ARHGAP6: variants seen among roughly 807,000 people sequenced by gnomAD.
ARHGAP6 encodes the protein rho GTPase-activating protein 6.
A neutral mutation model predicts 55.7 loss-of-function variants in ARHGAP6; 16 were observed. That is an observed-to-expected ratio of 0.29 (90% CI 0.19 to 0.44). The LOEUF (loss-of-function observed/expected upper bound fraction) is 0.44, where lower values mean the gene tolerates loss of function less well. ARHGAP6 is among the 20% of genes least tolerant of loss of function. The probability of loss-of-function intolerance (pLI) is 1.00; values close to 1 mark genes in which losing one functional copy is unlikely to be tolerated. For synonymous variants in ARHGAP6, 382 were observed against 360.9 expected (o/e 1.06, Z -0.66); for missense variants, 698 against 808.9 (o/e 0.86, Z 1.66).
chrX:11,629,026 C>T (rs1012034191), intron 1 of ARHGAP6, among the ~76,000 whole-genome samples: 10 of 108,376 alleles, frequency 9.2e-5, no homozygotes, highest in Admixed American at 2.0e-4. Flanking sequence ...TGTGTATACA[C>T]GAGCTAGAGC....
At chrX:11,567,566 A>AAAAAAATATATATATATATATATAT (rs1440758737) in intron 1 of ARHGAP6, among the ~76,000 whole-genome samples, 1 of 84,403 alleles carries the variant, frequency 1.2e-5, no homozygotes, top group African/African-American at 4.7e-5. Flanking sequence ...AAAAAAAAAA[A>AAAAAAATATATATATATATATATAT]ATATATATAT....
At chrX:11,630,780 C>G (rs2052351896) in intron 1 of ARHGAP6, among the ~76,000 whole-genome samples, 1 of 112,084 alleles carries the variant, frequency 8.9e-6, no homozygotes, top group Non-Finnish European at 1.9e-5. Flanking sequence ...GGCAATAAGA[C>G]AAAATACTCT....
intron 1 of ARHGAP6, among the ~76,000 whole-genome samples, chrX:11,572,015 A>T (rs2051524845): frequency 9.0e-6 from 1 of 111,268 alleles, no homozygotes; most frequent in Non-Finnish European, 1.9e-5. Context: ...AAGCTGAGAT[A>T]GACCTGCTGT....
At chrX:11,342,649 T>C (rs920243268) in intron 1 of ARHGAP6, among the ~76,000 whole-genome samples, 1 of 112,239 alleles carries the variant, frequency 8.9e-6, no homozygotes, top group Non-Finnish European at 1.9e-5. Flanking sequence ...AAATAAGGGA[T>C]GGGTACTCTT....
chrX:11,395,267 A>C (rs1797936625), intron 1 of ARHGAP6, among the ~76,000 whole-genome samples: 1 of 111,921 alleles, frequency 8.9e-6, no homozygotes, highest in African/African-American at 3.3e-5. Flanking sequence ...AACACTAAGA[A>C]GCTAACCCAG....
At chrX:11,611,023 T>G (rs2052096055) in intron 1 of ARHGAP6, among the ~76,000 whole-genome samples, 1 of 112,965 alleles carries the variant, frequency 8.9e-6, no homozygotes, top group Admixed American at 9.4e-5. Context: ...ACTGCCATAT[T>G]ATATTCCATT....
intron 1 of ARHGAP6, among the ~76,000 whole-genome samples, chrX:11,289,482 A>G (rs758917274): frequency 3.5e-4 from 39 of 111,966 alleles, no homozygotes; most frequent in Admixed American, 1.0e-3. Flanking sequence ...GTTTTGGCGA[A>G]TATCTCCCCA....
rs750583407 is a variant in ARHGAP6, at chrX:11,664,367, G to T, written c.462C>A (p.Ser154Arg). Residue 154 changes from serine to arginine, a missense_variant, in exon 1 of 13, where the codon AGC (serine) becomes AGA (arginine). Transcript: ENST00000337414. ...GGCCTCCCCCGGATGAACAGAGGAT[G>T]CTGGAAGCGCTTCGGCTACTGGCTG... ...AGPASSRSAS[S>R]ILCSSGGGPN... is the part of the protein sequence containing the mutation. The T allele has an allele frequency of 3.3e-6, 4 of 1,212,251 alleles. No individual in the cohort carries two copies. The highest frequency in any genetic ancestry group is 4.5e-6 in the Non-Finnish European group (4 of 895,569).
intron 2 of ARHGAP6, among the ~76,000 whole-genome samples, chrX:11,245,812 G>A (rs1437443661): frequency 9.0e-6 from 1 of 111,683 alleles, no homozygotes; most frequent in Non-Finnish European, 1.9e-5. Context: ...GATAGGTTGT[G>A]GACAAAAAAT....
intron 1 of ARHGAP6, among the ~76,000 whole-genome samples, chrX:11,404,911 G>A (rs1187250728): frequency 1.8e-5 from 2 of 111,827 alleles, no homozygotes; most frequent in Non-Finnish European, 3.8e-5. Context: ...CCATTGAACA[G>A]TTTGTCTTAT....
At chrX:11,552,399 T>C (rs1312153358) in intron 1 of ARHGAP6, among the ~76,000 whole-genome samples, 1 of 105,067 alleles carries the variant, frequency 9.5e-6, no homozygotes. Context: ...TACCATATAA[T>C]CCAGCAATCC....
chrX:11,630,994 A>C (rs1236300384), intron 1 of ARHGAP6, among the ~76,000 whole-genome samples: 1 of 110,868 alleles, frequency 9.0e-6, no homozygotes, highest in African/African-American at 3.3e-5. Context: ...CTGGCCAGGC[A>C]CTGTTTTTTT....
At chrX:11,443,080 G>A (rs1349407230) in intron 1 of ARHGAP6, among the ~76,000 whole-genome samples, 1 of 111,811 alleles carries the variant, frequency 8.9e-6, no homozygotes, top group Non-Finnish European at 1.9e-5. Context: ...ATCATGAAGA[G>A]TCCTCTCCTG....
chrX:11,398,563 C>T (rs761773546), intron 1 of ARHGAP6, among the ~76,000 whole-genome samples: 13 of 111,743 alleles, frequency 1.2e-4, no homozygotes, highest in African/African-American at 3.9e-4. Flanking sequence ...CTTTAGGTAC[C>T]TGCTTTGGCA....
chrX:11,179,174 C>T (rs1053777042), intron 7 of ARHGAP6, 128 bp downstream of exon 7: 4 of 639,987 alleles, frequency 6.3e-6, no homozygotes, highest in Non-Finnish European at 9.0e-6. Flanking sequence ...CCTCAAATAG[C>T]TCACTCTTTA....
intron 1 of ARHGAP6, among the ~76,000 whole-genome samples, chrX:11,607,327 A>G (rs1186432718): frequency 1.8e-5 from 2 of 111,853 alleles, no homozygotes; most frequent in Non-Finnish European, 3.8e-5. Flanking sequence ...GAACAGTGAC[A>G]ATGTACAAAT....
chrX:11,621,150 G>A (rs1395752845), intron 1 of ARHGAP6, among the ~76,000 whole-genome samples: 2 of 111,343 alleles, frequency 1.8e-5, no homozygotes, highest in Non-Finnish European at 3.8e-5. Context: ...AAGTGGGTGA[G>A]AGAGAGAGAA....
intron 1 of ARHGAP6, among the ~76,000 whole-genome samples, chrX:11,449,494 C>T (rs755873497): frequency 8.0e-5 from 9 of 112,101 alleles, no homozygotes; most frequent in Non-Finnish European, 1.7e-4. Context: ...GGCTCGAGCT[C>T]TAAAGTCACA....
chrX:11,595,734 A>G (rs1252369177), intron 1 of ARHGAP6, among the ~76,000 whole-genome samples: 1 of 111,867 alleles, frequency 8.9e-6, no homozygotes, highest in Non-Finnish European at 1.9e-5. Flanking sequence ...TTACAAGGGG[A>G]AAAAAAACCA....
Sources: allele counts gnomAD v4.1 joint callset (sites outside exome capture counted in the v4.1 genomes callset), GRCh38; gene constraint gnomAD v4.1.1; transcripts MANE v1.5; gene names NCBI Gene and HGNC (gene_info 2026-07-23, HGNC 2026-07-21).